NBPF20: variants seen among roughly 807,000 people sequenced by gnomAD.
The protein encoded by NBPF20 is NBPF member 20.
A neutral mutation model predicts 68.1 loss-of-function variants in NBPF20; 90 were observed. The ratio of observed to expected loss-of-function variants is 1.32; its 90% confidence interval spans 1.11 to 1.58. The LOEUF is 1.58. Among genes scored for constraint, NBPF20 ranks in the 40% most tolerant of loss-of-function variants. The pLI is 0.00. For missense variants in NBPF20, 816 were observed against 601.2 expected (o/e 1.36, Z -3.74); for synonymous variants, 290 against 228.1 (o/e 1.27, Z -2.45).
intron 2 of NBPF20, among the ~76,000 whole-genome samples, chr1:145,403,700 GC>G (rs1369352241): frequency 6.6e-6 from 1 of 152,126 alleles, no homozygotes; most frequent in East Asian, 1.9e-4. Flanking sequence ...AGTCGGGAAG[GC>G]CCCTAGGACT....
intron 61 of NBPF20, among the ~76,000 whole-genome samples, chr1:145,352,342 C>G (rs1357170149): frequency 1.2e-5 from 1 of 86,872 alleles, no homozygotes. Flanking sequence ...CACACACACA[C>G]ACACAGAGAG....
exon 44 of NBPF20, chr1:145,366,324 C>T: frequency 1.1e-5 from 1 of 92,834 alleles, no homozygotes; most frequent in Non-Finnish European, 1.8e-5. Flanking sequence ...ACTTCAGGCT[C>T]TACTACCTCC....
chr1:145,405,038 G>C (rs1417709499), intron 2 of NBPF20, 60 bp downstream of exon 7: 3 of 1,610,220 alleles, frequency 1.9e-6, no homozygotes, highest in Admixed American at 3.3e-5. Flanking sequence ...AGAGCATTTA[G>C]TGTCTCAGAA....
At chr1:145,377,895 T>C in intron 29 of NBPF20, 148 bp downstream of exon 34, 1 of 311,772 alleles carries the variant, frequency 3.2e-6, no homozygotes, top group Non-Finnish European at 5.8e-6. Context: ...AACCTAAACA[T>C]CTACTGCAAT....
exon 138 of NBPF20, chr1:145,291,445 G>A (rs1661076570): frequency 2.2e-5 from 36 of 1,611,680 alleles, no homozygotes; most frequent in Non-Finnish European, 3.0e-5. Context: ...CTTCCAAATG[G>A]AACTGTACTT....
chr1:145,398,517 C>A (rs1479355491), intron 7 of NBPF20, among the ~76,000 whole-genome samples: 33 of 152,154 alleles, frequency 2.2e-4, no homozygotes, highest in African/African-American at 8.0e-4. Flanking sequence ...TAAAGATGTT[C>A]TTTGAAACCA....
chr1:145,421,432 G>A, the NBPF20 span, among the ~76,000 whole-genome samples: 1 of 152,204 alleles, frequency 6.6e-6, no homozygotes. Context: ...TGACTCTGCT[G>A]TATACAAGCT....
chr1:145,413,378 G>C, the NBPF20 span, among the ~76,000 whole-genome samples: 3 of 150,342 alleles, frequency 2.0e-5, no homozygotes, highest in Non-Finnish European at 3.0e-5. Flanking sequence ...GTTCATAGCA[G>C]TTTTATTCAT....
Position 145,292,640 on chromosome 1 carries a change from T to A in NBPF20, c.16589-151A>T, listed in dbSNP as rs587719207. Reference sequence around the variant, plus strand: ...TATATTTCAGGAGGCCTGAAGGCTGTTCATGATAGAACTTCCTCGGTTTTT... The same window carrying A: ...TATATTTCAGGAGGCCTGAAGGCTGATCATGATAGAACTTCCTCGGTTTTT... On this transcript the variant is annotated intron_variant, in intron 136 of 137. Transcript: ENST00000369373. Among the ~76,000 whole-genome samples the A allele has an allele frequency of 3.2e-4, 48 of 147,978 alleles. 1 individual carries two copies. Among genetic ancestry groups the A allele is most frequent in the Non-Finnish European group, 5.6e-4 (38 of 67,638 alleles).
rs1314236396 is a variant in NBPF20, at chr1:145,338,036, C to G, written c.9546-227G>C. On this transcript the variant is annotated intron_variant, in intron 79 of 137. Coordinates refer to ENST00000369373, the Ensembl canonical transcript of NBPF20. The stretch of plus-strand genomic sequence containing the variant: ...ACACACACACACACACACACACACA[C>G]ACACACACACACACACAGAGAGAGA... Among the ~76,000 whole-genome samples the G allele has an allele frequency of 8.5e-5, 8 of 94,572 alleles. No individual in the cohort carries two copies. The South Asian group carries it at 1.5e-3, about 17-fold the overall frequency. 62.0% of individuals were successfully genotyped at this position (94,572 alleles called of 152,430 possible).
chr1:145,292,001 T>A (rs770611843), intron 137 of NBPF20, among the ~76,000 whole-genome samples: 15 of 149,434 alleles, frequency 1.0e-4, no homozygotes, highest in South Asian at 4.2e-4. Context: ...AGAGAGAAAG[T>A]GACCTAGTGA....
chr1:145,404,506 C>T (rs587740879), intron 2 of NBPF20, among the ~76,000 whole-genome samples: 281 of 152,264 alleles, frequency 1.8e-3, no homozygotes, highest in African/African-American at 6.4e-3. Flanking sequence ...CTCTGCCCGC[C>T]TCAGCCTCCC....
chr1:145,406,075 C>A (rs1426727752), upstream of NBPF20, among the ~76,000 whole-genome samples: 2 of 149,546 alleles, frequency 1.3e-5, no homozygotes, highest in East Asian at 1.9e-4. Flanking sequence ...CCCGCCACCA[C>A]GCCCGGCTAA....
At position 145,400,956 on chromosome 1, in the gene NBPF20, A is replaced by C. The variant is rs1553665228; in HGVS notation, c.566+103T>G. On this transcript the variant is annotated intron_variant, in intron 5 of 137. Coordinates refer to ENST00000369373, the Ensembl canonical transcript of NBPF20. ...TATATTTCACATACTGTGGCCAAGC[A>C]AATGTGGGTTTTTGGCCGATCATAG... The C allele has an allele frequency of 2.1e-6, 3 of 1,417,180 alleles. No homozygotes were observed. In the African/African-American group the frequency reaches 4.3e-5, roughly 20 times the overall value. 87.8% of individuals were successfully genotyped at this position (1,417,180 alleles called of 1,614,324 possible).
intron 112 of NBPF20, among the ~76,000 whole-genome samples, chr1:145,311,845 G>T (rs1226199432): frequency 9.1e-6 from 1 of 109,520 alleles, no homozygotes; most frequent in Non-Finnish European, 1.8e-5. Flanking sequence ...TACTCAGATT[G>T]TTCACGGTAG....
At position 145,401,187 on chromosome 1, in the gene NBPF20, A is replaced by G; in HGVS notation, c.494-56T>C. The stretch of plus-strand genomic sequence containing the variant: ...TTCCCACTTCACAGTCTGCAAGCAC[A>G]GTCAGCCCAATGTGCAACAGAGACA... On this transcript the variant is annotated intron_variant, in intron 4 of 137. Coordinates refer to ENST00000369373, the Ensembl canonical transcript of NBPF20. 4 of 1,488,068 alleles carry G rather than the reference A, an allele frequency of 2.7e-6. No homozygotes were observed. The Admixed American group carries it at 6.7e-5, about 25-fold the overall frequency. The allele number at this position is 1,488,068 out of a possible 1,614,324, so 92.2% of individuals were successfully genotyped here. A position where few individuals can be genotyped will look rare whatever the true frequency, so the allele number is the denominator to read the frequency against.
exon 138 of NBPF20, chr1:145,291,610 G>A (rs782393877): frequency 2.5e-6 from 4 of 1,611,940 alleles, no homozygotes; most frequent in Non-Finnish European, 2.5e-6. Context: ...CCACGTAAAG[G>A]GCGAAGCTGA....
At chr1:145,405,216 T>C (rs1662720910) in exon 2 of NBPF20, 1 of 1,611,102 alleles carries the variant, frequency 6.2e-7, no homozygotes, top group Non-Finnish European at 8.5e-7. Context: ...TCTCGTTGAT[T>C]TCTAGAATGT....
chr1:145,393,695 A>G (rs1332126098), intron 9 of NBPF20, 189 bp downstream of exon 14: 2 of 1,444,828 alleles, frequency 1.4e-6, no homozygotes, highest in Non-Finnish European at 1.9e-6. Flanking sequence ...AGGTTAGTAA[A>G]TGATAAGGGT....
Sources: allele counts gnomAD v4.1 joint callset (sites outside exome capture counted in the v4.1 genomes callset), GRCh38; gene constraint gnomAD v4.1.1; transcripts MANE v1.5; gene names NCBI Gene and HGNC (gene_info 2026-07-23, HGNC 2026-07-21).